PRKAR1B: variants seen among roughly 807,000 people sequenced by gnomAD.
The protein encoded by PRKAR1B is protein kinase cAMP-dependent type I regulatory subunit beta.
A neutral mutation model predicts 46.5 loss-of-function variants in PRKAR1B; 22 were observed. That is an observed-to-expected ratio of 0.47 (90% CI 0.34 to 0.68). PRKAR1B has a LOEUF of 0.68. Ranked by LOEUF, PRKAR1B falls within the 30% of genes least tolerant of loss-of-function variation. PRKAR1B has a pLI of 0.01. For synonymous variants in PRKAR1B, 259 were observed against 217.7 expected (o/e 1.19, Z -1.67); for missense variants, 445 against 535.6 (o/e 0.83, Z 1.67).
Position 552,434 on chromosome 7 carries a change from CCCACCCA to C in PRKAR1B, c.892-971_892-965del, listed in dbSNP as rs1434854074. On this transcript the variant is annotated intron_variant, in intron 9 of 10. Transcript: ENST00000537384. ...CACGTCACCACCCAAACCCCCACCT[CCCACCCA>C]GGTCCTTCCCGCAGAGCCACTGCCA... Among the ~76,000 whole-genome samples the C allele has an allele frequency of 9.9e-5, 13 of 131,440 alleles. 1 individual carries two copies. In the East Asian group the frequency reaches 2.0e-3, roughly 20 times the overall value. The allele number at this position is 131,440 out of a possible 152,430, so 86.2% of individuals were successfully genotyped here.
intron 2 of PRKAR1B, among the ~76,000 whole-genome samples, chr7:708,143 C>CG (rs1653954201): frequency 6.7e-6 from 1 of 150,014 alleles, no homozygotes; most frequent in Non-Finnish European, 1.5e-5. Flanking sequence ...CACCCAGAGC[C>CG]GGGGGAGACA....
At chr7:672,150 C>T (rs987755241) in intron 4 of PRKAR1B, among the ~76,000 whole-genome samples, 3 of 151,504 alleles carry the variant, frequency 2.0e-5, no homozygotes, top group Non-Finnish European at 4.4e-5. Flanking sequence ...TCTGTGGAAC[C>T]GAATTTGTTT....
chr7:701,502 G>A (rs1780068487), intron 2 of PRKAR1B, among the ~76,000 whole-genome samples: 1 of 152,130 alleles, frequency 6.6e-6, no homozygotes, highest in Admixed American at 6.5e-5. Flanking sequence ...TCTCAAATAT[G>A]TTGAAAGGTA....
chr7:711,637 ACT>A, intron 1 of PRKAR1B, 110 bp from the exon 2 acceptor site: 9 of 964,524 alleles, frequency 9.3e-6, no homozygotes, highest in Non-Finnish European at 1.4e-5. Flanking sequence ...GAAGAAAGTC[ACT>A]GATTCTGCAT....
At chr7:629,527 G>T (rs112145612) in intron 4 of PRKAR1B, among the ~76,000 whole-genome samples, 1 of 89,064 alleles carries the variant, frequency 1.1e-5, no homozygotes, top group South Asian at 5.3e-4. Context: ...CCACCCCAGG[G>T]CTGGAAAACG....
intron 9 of PRKAR1B, among the ~76,000 whole-genome samples, chr7:557,849 G>T (rs996310502): frequency 3.3e-5 from 5 of 152,112 alleles, no homozygotes; most frequent in Non-Finnish European, 5.9e-5. Context: ...AAAACTCTAG[G>T]TCATACTCCC....
rs536620329 is a variant in PRKAR1B at position 560,830 on chromosome 7, G to C, written c.892-9360C>G. 3.9e-5 allele frequency among the ~76,000 whole-genome samples: 6 copies of C among 152,220 alleles called. No homozygotes were observed. The highest frequency in any genetic ancestry group is 7.2e-5 in the African/African-American group (3 of 41,452). On this transcript the variant is annotated intron_variant, in intron 9 of 10. Coordinates refer to ENST00000537384, the MANE Select transcript of PRKAR1B (RefSeq NM_001164760.2). This position sits in a 1 kb window ranked among gnomAD's most constrained non-coding sequence, Gnocchi z 4.2. Reference sequence around the variant, plus strand: ...ATGAGGGCGGCGGCCATGAGTGAACGTAAGAGTGGACAGACACCAAATGCC... The same window carrying C: ...ATGAGGGCGGCGGCCATGAGTGAACCTAAGAGTGGACAGACACCAAATGCC...
intron 4 of PRKAR1B, among the ~76,000 whole-genome samples, 155 bp downstream of exon 4, chr7:677,074 G>C (rs1778368382): frequency 6.6e-6 from 1 of 151,992 alleles, no homozygotes; most frequent in South Asian, 2.1e-4. Flanking sequence ...GGCCGGAGAA[G>C]GCAGCTGTGA....
At chr7:592,498 G>A (rs1215381998) in intron 7 of PRKAR1B, among the ~76,000 whole-genome samples, 3 of 151,926 alleles carry the variant, frequency 2.0e-5, no homozygotes, top group Admixed American at 6.5e-5. Context: ...GAGTCACTCC[G>A]GACACTGGTC....
chr7:637,413 T>C (rs1211539983), intron 4 of PRKAR1B, among the ~76,000 whole-genome samples: 1 of 150,522 alleles, frequency 6.6e-6, no homozygotes, highest in Non-Finnish European at 1.5e-5. Context: ...TAAGACTCTG[T>C]CTCAAAAAAA....
intron 9 of PRKAR1B, among the ~76,000 whole-genome samples, chr7:571,908 G>A (rs572998357): frequency 9.8e-5 from 15 of 152,364 alleles, no homozygotes; most frequent in East Asian, 7.7e-4. Context: ...ACACACTGCC[G>A]CCTCTCCGCT....
chr7:564,056 G>A (rs1583209223), intron 9 of PRKAR1B, among the ~76,000 whole-genome samples: 1 of 152,138 alleles, frequency 6.6e-6, no homozygotes, highest in East Asian at 1.9e-4. Flanking sequence ...CCCACTTCCC[G>A]TTCTGATCCT....
At chr7:691,462 G>A (rs1173075587) in intron 2 of PRKAR1B, 22 of 1,298,610 alleles carry the variant, frequency 1.7e-5, no homozygotes, top group Non-Finnish European at 3.0e-6. Flanking sequence ...CACTCCCACG[G>A]ATGAAGATGC....
At chr7:633,342 C>A (rs137954700) in intron 4 of PRKAR1B, among the ~76,000 whole-genome samples, 74 of 152,298 alleles carry the variant, frequency 4.9e-4, no homozygotes, top group African/African-American at 1.7e-3. Context: ...TAGTCACCCA[C>A]AGGTGAAAGG....
At chr7:627,426 A>T (rs1425479090) in intron 4 of PRKAR1B, among the ~76,000 whole-genome samples, 2 of 152,086 alleles carry the variant, frequency 1.3e-5, no homozygotes, top group African/African-American at 4.8e-5. Flanking sequence ...CATTTTACAG[A>T]CGGGACACTG....
At chr7:555,284 G>A (rs1184821516) in intron 9 of PRKAR1B, among the ~76,000 whole-genome samples, 2 of 152,154 alleles carry the variant, frequency 1.3e-5, no homozygotes, top group African/African-American at 2.4e-5. Flanking sequence ...GAGCCCCCAC[G>A]GGGCTGCTGT....
In PRKAR1B at chr7:596,298, C is replaced by T; in HGVS notation, c.556G>A (p.Val186Met). The T allele has an allele frequency of 6.2e-7, 1 of 1,612,008 alleles. No individual in the cohort carries two copies. Among genetic ancestry groups the T allele is most frequent in the Non-Finnish European group, 8.5e-7 (1 of 1,178,744 alleles). Reference sequence around the variant, plus strand: ...ATGTTGGTCACCCACTCTCCGTTCACGTACACCTTTGGGGAGCAAGAGAGA... The same window carrying T: ...ATGTTGGTCACCCACTCTCCGTTCATGTACACCTTTGGGGAGCAAGAGAGA... Reference protein sequence around the residue: ...VVDQGEVDVYVNGEWVTNISE... With the variant: ...VVDQGEVDVYMNGEWVTNISE... Residue 186 changes from valine (V) to methionine (M), a missense_variant, in exon 7 of 11, where the codon GTG (valine) becomes ATG (methionine). Val to Met is a conservative substitution (Grantham distance 21, BLOSUM62 1). Transcript: ENST00000537384.
chr7:679,307 C>T (rs1268629135), intron 3 of PRKAR1B, among the ~76,000 whole-genome samples: 1 of 152,182 alleles, frequency 6.6e-6, no homozygotes, highest in Non-Finnish European at 1.5e-5. Flanking sequence ...TTTTCTGTCC[C>T]AGGACCCCGT....
rs145160611 is a variant in PRKAR1B, at chr7:610,968, A to C, written c.441-3516T>G. ...AGGCCCCCAGCTCTCAGGCCTGGTA[A>C]GAGAAAGAAAAACACGAAGACATTC... On this transcript the variant is annotated intron_variant, in intron 4 of 10. Transcript: ENST00000537384. Among the ~76,000 whole-genome samples the C allele has an allele frequency of 5.0e-3, 767 of 152,224 alleles. 3 individuals carry two copies. Among genetic ancestry groups the C allele is most frequent in the South Asian group, 0.025 (120 of 4,814 alleles).
Sources: allele counts gnomAD v4.1 joint callset (sites outside exome capture counted in the v4.1 genomes callset), GRCh38; gene constraint gnomAD v4.1.1; non-coding constraint Gnocchi (gnomAD v3.1); transcripts MANE v1.5; gene names NCBI Gene and HGNC (gene_info 2026-07-23, HGNC 2026-07-21).